The following CHD1 variants were observed in gnomAD, a reference collection of about 807,000 sequenced individuals.
CHD1 encodes the protein chromodomain helicase DNA binding protein 1.
A neutral mutation model predicts 224.2 loss-of-function variants in CHD1; 36 were observed. The ratio of observed to expected loss-of-function variants is 0.16; its 90% CI spans 0.12 to 0.21. The LOEUF (loss-of-function observed/expected upper bound fraction) is 0.21. CHD1 is among the 10% of genes least tolerant of loss of function. CHD1 has a pLI of 1.00. For synonymous variants in CHD1, 668 were observed against 658.3 expected (o/e 1.01, Z -0.23); for missense variants, 1,378 against 1,994.8 (o/e 0.69, Z 5.89).
chr5:98,915,147 G>C (rs146047923), intron 2 of CHD1, among the ~76,000 whole-genome samples: 1 of 152,288 alleles, frequency 6.6e-6, no homozygotes, highest in African/African-American at 2.4e-5. Context: ...TACAAAGTTT[G>C]ATGAAATAGT....
chr5:98,869,723 A>G, intron 30 of CHD1, 31 bp downstream of exon 30: 3 of 1,604,712 alleles, frequency 1.9e-6, no homozygotes, highest in Non-Finnish European at 2.6e-6. Context: ...CTTTCCATAG[A>G]AAAGGTTGTT....
chr5:98,873,303 G>A (rs758513925), intron 26 of CHD1, among the ~76,000 whole-genome samples: 1 of 151,946 alleles, frequency 6.6e-6, no homozygotes, highest in African/African-American at 2.4e-5. Flanking sequence ...CTGTGTGTGT[G>A]TATATATACA....
chr5:98,919,695 A>C (rs1752964767), intron 2 of CHD1, among the ~76,000 whole-genome samples: 1 of 152,242 alleles, frequency 6.6e-6, no homozygotes, highest in Non-Finnish European at 1.5e-5. Context: ...GCACAGGATT[A>C]GAGTTGGAGC....
intron 2 of CHD1, among the ~76,000 whole-genome samples, chr5:98,906,350 A>G (rs933218304): frequency 2.6e-5 from 4 of 152,292 alleles, no homozygotes; most frequent in Middle Eastern, 3.4e-3. Flanking sequence ...TAGAGGTCCA[A>G]AAACAGCATA....
intron 10 of CHD1, 109 bp downstream of exon 10, chr5:98,898,145 ATT>A: frequency 1.9e-6 from 1 of 525,536 alleles, no homozygotes; most frequent in Non-Finnish European, 2.9e-6. Context: ...ACCAAGAAAT[ATT>A]CTCCCTTAGT....
intron 29 of CHD1, 52 bp downstream of exon 29, chr5:98,870,635 A>T: frequency 1.9e-6 from 2 of 1,040,678 alleles, no homozygotes; most frequent in Non-Finnish European, 2.9e-6. Context: ...AGTAAACAAA[A>T]TTTACCTTAC....
intron 19 of CHD1, 130 bp from the exon 20 acceptor site, chr5:98,882,253 G>T: frequency 1.5e-6 from 1 of 666,730 alleles, no homozygotes; most frequent in Admixed American, 3.3e-5. Flanking sequence ...AAAGCAAAAT[G>T]AAAATTTAAA....
intron 11 of CHD1, 134 bp downstream of exon 11, chr5:98,897,059 A>ACTAGGAAATACAAAGACTAG: frequency 1.3e-6 from 1 of 778,700 alleles, no homozygotes; most frequent in Non-Finnish European, 2.0e-6. Context: ...GTTTATACAA[A>ACTAGGAAATACAAAGACTAG]CTAGGAAATA....
rs781666838 is a variant in CHD1, at chr5:98,876,580, C to A, written c.3238-22G>T. On this transcript the variant is annotated intron_variant, in intron 23 of 35. Coordinates refer to ENST00000614616, the MANE Select transcript of CHD1 (RefSeq NM_001270.4). ...TAATCTGGAATTGGAAAATATTTACCCAACCTTAGTGTAAAAACAGCTTGT... is the reference window on the plus strand; with the variant it reads ...TAATCTGGAATTGGAAAATATTTACACAACCTTAGTGTAAAAACAGCTTGT... 3 of 1,607,974 alleles carry A rather than the reference C, an allele frequency of 1.9e-6. 1 individual carries two copies. In the South Asian group the frequency reaches 3.3e-5, roughly 18 times the overall value.
chr5:98,887,711 G>C (rs1750744747), intron 17 of CHD1, among the ~76,000 whole-genome samples: 2 of 152,100 alleles, frequency 1.3e-5, no homozygotes, highest in South Asian at 4.1e-4. Context: ...AATCTTGGCA[G>C]CATTCACATT....
chr5:98,871,181 C>G (rs148765913), intron 28 of CHD1, among the ~76,000 whole-genome samples: 1 of 151,560 alleles, frequency 6.6e-6, no homozygotes, highest in Non-Finnish European at 1.5e-5. Flanking sequence ...CACAGAAATT[C>G]CTAGACTACA....
At chr5:98,928,016 G>A (rs1753595764) in intron 1 of CHD1, among the ~76,000 whole-genome samples, 1 of 152,152 alleles carries the variant, frequency 6.6e-6, no homozygotes, top group Non-Finnish European at 1.5e-5. Context: ...AAAGAGGTTT[G>A]GAAACCATCC....
rs79329710 is a variant in CHD1, at chr5:98,856,938, T to C, written c.4788-213A>G. Among the ~76,000 whole-genome samples, 1,405 of 152,252 alleles carry C rather than the reference T, an allele frequency of 9.2e-3. 16 individuals are homozygous for C. The highest frequency in any genetic ancestry group is 0.025 in the South Asian group (123 of 4,828). Reference sequence around the variant, plus strand: ...TGATTCATAAAACTAAAGCGAACCATACAAAACCCCTAAAATAGCATCTAA... The same window carrying C: ...TGATTCATAAAACTAAAGCGAACCACACAAAACCCCTAAAATAGCATCTAA... On this transcript the variant is annotated intron_variant, in intron 35 of 35. Coordinates refer to ENST00000614616, the MANE Select transcript of CHD1 (RefSeq NM_001270.4).
At chr5:98,912,645 C>T (rs1721507807) in intron 2 of CHD1, among the ~76,000 whole-genome samples, 1 of 151,698 alleles carries the variant, frequency 6.6e-6, no homozygotes, top group Non-Finnish European at 1.5e-5. Context: ...TACTCCATCC[C>T]GAGCGACAAG....
At chr5:98,878,821 T>C (rs1208724690) in intron 23 of CHD1, among the ~76,000 whole-genome samples, 2 of 152,262 alleles carry the variant, frequency 1.3e-5, no homozygotes, top group Admixed American at 1.3e-4. Flanking sequence ...AAGGAAAATA[T>C]AAAAATAGAT....
rs1184503221 is a variant in CHD1 at position 98,902,787 on chromosome 5, T to C, written c.437+113A>G. On this transcript the variant is annotated intron_variant, in intron 5 of 35. Transcript: ENST00000614616. Reference sequence around the variant, plus strand: ...TGTAAATTAACTTCATAAAATGCCATGAACTAAGAATTTAGAAGAGTCTCC... The same window carrying C: ...TGTAAATTAACTTCATAAAATGCCACGAACTAAGAATTTAGAAGAGTCTCC... 6.7e-6 allele frequency: 4 copies of C among 599,180 alleles called. No homozygotes were observed. In the African/African-American group the frequency reaches 7.6e-5, roughly 11 times the overall value. 37.1% of individuals were successfully genotyped at this position (599,180 alleles called of 1,614,324 possible).
chr5:98,882,281 G>C (rs903392611), intron 19 of CHD1, among the ~76,000 whole-genome samples, 158 bp from the exon 20 acceptor site: 2 of 152,056 alleles, frequency 1.3e-5, no homozygotes, highest in Non-Finnish European at 2.9e-5. Context: ...TTTAAAGCTA[G>C]AGTTCCTCAA....
chr5:98,888,574 C>T (rs918376169), intron 16 of CHD1, among the ~76,000 whole-genome samples: 8 of 152,124 alleles, frequency 5.3e-5, no homozygotes, highest in Non-Finnish European at 8.8e-5. Flanking sequence ...AACTAAGCAA[C>T]CAAAGGTTTA....
rs1351445193 is a variant in CHD1, at chr5:98,885,573, C to T, written c.2568+5G>A. ...ATTTATAATTTTAAAAGCACTAATACATACCTCTGATCCCTCAGCATTAAA... is the reference window on the plus strand; with the variant it reads ...ATTTATAATTTTAAAAGCACTAATATATACCTCTGATCCCTCAGCATTAAA... On this transcript the variant is annotated splice_donor_5th_base_variant and intron_variant, in intron 18 of 35. Transcript: ENST00000614616. 1 of 1,557,878 alleles carries T rather than the reference C, an allele frequency of 6.4e-7. No individual in the cohort carries two copies. Among genetic ancestry groups the T allele is most frequent in the East Asian group, 2.2e-5 (1 of 44,454 alleles).
Sources: gnomAD v4.1 joint callset for allele counts (sites outside exome capture counted in the v4.1 genomes callset) on GRCh38, gnomAD v4.1.1 for gene constraint, MANE v1.5 for transcripts, NCBI Gene and HGNC (gene_info 2026-07-23, HGNC 2026-07-21) for gene names.